The following ROBO2 variants were observed in gnomAD, a reference collection of about 807,000 sequenced individuals.
ROBO2 encodes the protein roundabout homolog 2.
Under a neutral mutation model 160.8 loss-of-function variants are expected in ROBO2, and 53 were observed. The observed-to-expected ratio is 0.33, with a 90% CI of 0.26 to 0.41. The LOEUF (loss-of-function observed/expected upper bound fraction) is 0.41. Ranked by LOEUF, ROBO2 falls within the 10% of genes least tolerant of loss-of-function variation. ROBO2 has a pLI of 1.00. For synonymous variants in ROBO2, 664 were observed against 611.7 expected (o/e 1.09, Z -1.26); for missense variants, 1,577 against 1,722.4 (o/e 0.92, Z 1.49).
At chr3:76,775,432 GAT>G (rs1450270914) in intron 2 of ROBO2, among the ~76,000 whole-genome samples, 3 of 150,784 alleles carry the variant, frequency 2.0e-5, no homozygotes, top group Non-Finnish European at 4.5e-5. Context: ...TTATTTGTAA[GAT>G]ATTTACAGGA....
At chr3:77,310,262 T>TAAC (rs1339803118) in intron 2 of ROBO2, among the ~76,000 whole-genome samples, 1 of 152,168 alleles carries the variant, frequency 6.6e-6, no homozygotes, top group Non-Finnish European at 1.5e-5. Context: ...TCCCTATTTG[T>TAAC]AGCCTGATGG....
chr3:77,644,593 A>T, intron 24 of ROBO2, 111 bp from the exon 27 acceptor site: 1 of 939,734 alleles, frequency 1.1e-6, no homozygotes, highest in Non-Finnish European at 1.7e-6. Flanking sequence ...TAATTTTATT[A>T]AAGAATGAAA....
At chr3:76,099,787 G>A (rs971354644) in intron 2 of ROBO2, among the ~76,000 whole-genome samples, 63 of 152,230 alleles carry the variant, frequency 4.1e-4, no homozygotes, top group African/African-American at 1.5e-3. Flanking sequence ...GGAAGGAAGG[G>A]AGGGAGGAAA....
intron 2 of ROBO2, among the ~76,000 whole-genome samples, chr3:76,394,107 T>C (rs574396336): frequency 6.6e-6 from 1 of 152,136 alleles, no homozygotes; most frequent in Non-Finnish European, 1.5e-5. Flanking sequence ...CTTTTAATTG[T>C]AGCATTTCGT....
At chr3:76,302,723 A>G (rs1338904018) in intron 2 of ROBO2, among the ~76,000 whole-genome samples, 1 of 152,094 alleles carries the variant, frequency 6.6e-6, no homozygotes, top group Non-Finnish European at 1.5e-5. Context: ...GTGTCATATA[A>G]CCTAGGTGCG....
At chr3:77,239,132 A>AGG (rs149571857) in intron 2 of ROBO2, among the ~76,000 whole-genome samples, 2,086 of 152,186 alleles carry the variant, frequency 0.014, 43 homozygotes, top group African/African-American at 0.047. Flanking sequence ...GAATGAAGCC[A>AGG]CGGACCCTCA....
At chr3:76,314,875 G>A (rs2071876738) in intron 2 of ROBO2, among the ~76,000 whole-genome samples, 1 of 152,090 alleles carries the variant, frequency 6.6e-6, no homozygotes, top group Non-Finnish European at 1.5e-5. Context: ...ACAGGGGTCA[G>A]TGGCTCTAAC....
At chr3:76,058,253 A>G (rs1245026989) in intron 2 of ROBO2, among the ~76,000 whole-genome samples, 1 of 151,914 alleles carries the variant, frequency 6.6e-6, no homozygotes, top group Non-Finnish European at 1.5e-5. Flanking sequence ...TCCCTCCCAT[A>G]ACCCCCTACC....
intron 2 of ROBO2, among the ~76,000 whole-genome samples, chr3:76,790,504 T>C (rs960892566): frequency 2.0e-5 from 3 of 151,724 alleles, no homozygotes; most frequent in African/African-American, 7.3e-5. Flanking sequence ...AAGTTGAAAA[T>C]GTAATAAATC....
intron 2 of ROBO2, among the ~76,000 whole-genome samples, chr3:77,402,289 G>A (rs2075870334): frequency 6.6e-6 from 1 of 152,076 alleles, no homozygotes; most frequent in Non-Finnish European, 1.5e-5. Context: ...CCTGTCTGGA[G>A]TGGGGTCTAG....
At chr3:77,533,813 A>C (rs1037974704) in intron 6 of ROBO2, among the ~76,000 whole-genome samples, 1 of 152,166 alleles carries the variant, frequency 6.6e-6, no homozygotes. Context: ...AACCTAATAT[A>C]ATCATGAAAG....
At chr3:77,222,146 C>T (rs1962664) in intron 2 of ROBO2, among the ~76,000 whole-genome samples, 6,290 of 152,070 alleles carry the variant, frequency 0.041, 186 homozygotes, top group African/African-American at 0.071. Context: ...CCACCGTGCC[C>T]GGCCCAATGG....
intron 2 of ROBO2, among the ~76,000 whole-genome samples, chr3:77,213,776 G>A (rs2084521210): frequency 6.6e-6 from 1 of 151,920 alleles, no homozygotes; most frequent in Non-Finnish European, 1.5e-5. Flanking sequence ...CTGGTATGTT[G>A]TGTCTTTGTT....
At chr3:77,553,864 A>T (rs1229389099) in intron 8 of ROBO2, among the ~76,000 whole-genome samples, 1 of 142,818 alleles carries the variant, frequency 7.0e-6, no homozygotes, top group African/African-American at 2.6e-5. Flanking sequence ...AAGGTAAAGC[A>T]TCAAGGGCTA....
Position 77,316,840 on chromosome 3 carries a change from A to T in ROBO2, c.389-160574A>T, listed in dbSNP as rs1043480758. On this transcript the variant is annotated intron_variant, in intron 2 of 25. Coordinates refer to ENST00000461745, the Ensembl canonical transcript of ROBO2. ...CAGGAGAGCTGACAGTGTCAGTTTG[A>T]TACCTGGCTGCAGGGTCTGAGTGTA... 14 of 1,258,798 alleles carry T rather than the reference A, an allele frequency of 1.1e-5. No homozygotes were observed. In the African/African-American group the frequency reaches 2.1e-4, roughly 19 times the overall value. 78.0% of individuals were successfully genotyped at this position (1,258,798 alleles called of 1,614,324 possible).
intron 2 of ROBO2, among the ~76,000 whole-genome samples, chr3:76,366,206 T>C (rs2075804659): frequency 6.6e-6 from 1 of 152,022 alleles, no homozygotes; most frequent in Non-Finnish European, 1.5e-5. Flanking sequence ...TTCAGAGAGA[T>C]TTTCCCTGAT....
At chr3:77,421,198 C>T (rs2077683918) in intron 2 of ROBO2, among the ~76,000 whole-genome samples, 1 of 152,062 alleles carries the variant, frequency 6.6e-6, no homozygotes, top group Non-Finnish European at 1.5e-5. Flanking sequence ...TTAGATGTGT[C>T]TGGAAATGTC....
chr3:77,049,348 T>C (rs2064998132), intron 1 of ROBO2, among the ~76,000 whole-genome samples: 1 of 152,054 alleles, frequency 6.6e-6, no homozygotes, highest in Admixed American at 6.6e-5. Context: ...CACACAAATT[T>C]AGGCTTGAAA....
chr3:76,414,768 T>A (rs78754882), intron 2 of ROBO2, among the ~76,000 whole-genome samples: 51,250 of 126,926 alleles, frequency 0.4, 10,162 homozygotes, highest in South Asian at 0.5. Context: ...AAGTATAATT[T>A]AAAAAAAAAA....
Sources: allele counts gnomAD v4.1 joint callset (sites outside exome capture counted in the v4.1 genomes callset), GRCh38; gene constraint gnomAD v4.1.1; transcripts MANE v1.5; gene names NCBI Gene and HGNC (gene_info 2026-07-23, HGNC 2026-07-21).